The following PCBP3 variants were observed in gnomAD, a reference collection of about 807,000 sequenced individuals.
PCBP3 encodes the protein poly(rC) binding protein 3, also known as poly(rC)-binding protein 3.
PCBP3 carries 25 observed loss-of-function variants against 52.7 expected under a neutral mutation model. The observed-to-expected ratio is 0.47, with a 90% CI of 0.35 to 0.66. The LOEUF (loss-of-function observed/expected upper bound fraction) is 0.66, where lower values mean the gene tolerates loss of function less well. Among genes scored for constraint, PCBP3 ranks in the 30% least tolerant of loss-of-function variants. PCBP3 has a pLI of 0.01. For synonymous variants in PCBP3, 162 were observed against 183.0 expected (o/e 0.89, Z 0.93); for missense variants, 391 against 490.3 (o/e 0.80, Z 1.91).
intron 12 of PCBP3, chr21:45,915,570 G>A (rs2149319501): frequency 6.6e-6 from 1 of 152,378 alleles, no homozygotes; most frequent in East Asian, 1.9e-4. Context: ...GTGCAGCTGA[G>A]CCCTGCTCAG....
chr21:45,863,902 C>T (rs2094604766), intron 5 of PCBP3, among the ~76,000 whole-genome samples: 1 of 152,166 alleles, frequency 6.6e-6, no homozygotes, highest in Non-Finnish European at 1.5e-5. Context: ...AACCGCATAG[C>T]CGTGCACGAT....
intron 5 of PCBP3, among the ~76,000 whole-genome samples, chr21:45,856,332 G>A (rs2094293559): frequency 6.6e-6 from 1 of 152,196 alleles, no homozygotes; most frequent in Non-Finnish European, 1.5e-5. Flanking sequence ...TTGATTCCAG[G>A]CCTTCAGATA....
intron 5 of PCBP3, among the ~76,000 whole-genome samples, chr21:45,866,531 A>G (rs556368741): frequency 6.6e-6 from 1 of 152,320 alleles, no homozygotes; most frequent in South Asian, 2.1e-4. Context: ...ACGTTGTGGC[A>G]GAGGCTGTGA....
At chr21:45,707,484 C>G (rs1485929865) in intron 2 of PCBP3, among the ~76,000 whole-genome samples, 1 of 151,938 alleles carries the variant, frequency 6.6e-6, no homozygotes, top group Non-Finnish European at 1.5e-5. Flanking sequence ...CCATTGCACT[C>G]CAGCCTGGGA....
At chr21:45,864,417 T>G (rs1406692382) in intron 5 of PCBP3, among the ~76,000 whole-genome samples, 1 of 152,238 alleles carries the variant, frequency 6.6e-6, no homozygotes, top group Non-Finnish European at 1.5e-5. Context: ...TTCTGTGTGA[T>G]GAAGCCATCA....
chr21:45,914,273 C>G (rs1229137301), intron 12 of PCBP3: 1 of 594,256 alleles, frequency 1.7e-6, no homozygotes, highest in African/African-American at 1.9e-5. Flanking sequence ...GCAGGAAGAT[C>G]TGGCTCTGCC....
intron 2 of PCBP3, among the ~76,000 whole-genome samples, chr21:45,691,846 TA>T (rs2082500990): frequency 6.6e-6 from 1 of 152,038 alleles, no homozygotes; most frequent in Non-Finnish European, 1.5e-5. Context: ...GACTGGAAAC[TA>T]AAGGAGTCCC....
chr21:45,799,486 T>C (rs912900257), intron 4 of PCBP3, among the ~76,000 whole-genome samples: 1 of 152,244 alleles, frequency 6.6e-6, no homozygotes, highest in African/African-American at 2.4e-5. Context: ...AAATTTATCA[T>C]AGGACAGTTT....
rs148234066 is a variant in PCBP3 at position 45,919,836 on chromosome 21, T to C, written c.717+2207T>C. On this transcript the variant is annotated intron_variant, in intron 13 of 17. Coordinates refer to ENST00000681687, the MANE Select transcript of PCBP3 (RefSeq NM_001384156.1). ...AGAGGTGTGTGTGTGTGTGTGTGTG[T>C]GCGCGCGCGCGTGCGCGTCCCCGTG... 2.7e-3 allele frequency among the ~76,000 whole-genome samples: 146 copies of C among 53,722 alleles called. 1 individual carries two copies. The highest frequency in any genetic ancestry group is 0.013 in the South Asian group (26 of 2,074). The allele number at this position is 53,722 out of a possible 152,430, so 35.2% of individuals were successfully genotyped here. A position where few individuals can be genotyped will look rare whatever the true frequency, so the allele number is the denominator to read the frequency against.
chr21:45,849,789 G>C (rs1242371532), intron 4 of PCBP3, among the ~76,000 whole-genome samples, 172 bp from the exon 5 acceptor site: 1 of 152,184 alleles, frequency 6.6e-6, no homozygotes, highest in African/African-American at 2.4e-5. Flanking sequence ...GAGCCCCAGG[G>C]GGGAGCGCTT....
intron 9 of PCBP3, among the ~76,000 whole-genome samples, chr21:45,905,208 A>G (rs7281225): frequency 0.33 from 50,168 of 152,064 alleles, 9,210 homozygotes; most frequent in East Asian, 0.67. Context: ...CTAAAGCACT[A>G]GTTGGGCAGA....
chr21:45,868,629 G>A (rs567914403), intron 5 of PCBP3, among the ~76,000 whole-genome samples: 1 of 152,144 alleles, frequency 6.6e-6, no homozygotes, highest in Non-Finnish European at 1.5e-5. Context: ...CGGGTCTGGC[G>A]GGCATTTCTG....
chr21:45,928,125 G>T lies in PCBP3; in HGVS notation c.718-1792G>T, dbSNP rs75669412. 0.016 allele frequency among the ~76,000 whole-genome samples: 2,451 copies of T among 152,248 alleles called. 73 individuals carry two copies. The highest frequency in any genetic ancestry group is 0.056 in the African/African-American group (2,316 of 41,526). On this transcript the variant is annotated intron_variant, in intron 13 of 17. Coordinates refer to ENST00000681687, the MANE Select transcript of PCBP3 (RefSeq NM_001384156.1). This position sits in a 1 kb window ranked among gnomAD's most constrained non-coding sequence, Gnocchi z 4.1. ...GCGCCTTCACTAGGACCCCAGATGCGCCTGCTTCCTCCTCCTGCCCCCGCA... is the reference window on the plus strand; with the variant it reads ...GCGCCTTCACTAGGACCCCAGATGCTCCTGCTTCCTCCTCCTGCCCCCGCA...
At position 45,910,992 on chromosome 21, in the gene PCBP3, A is replaced by G. The variant is rs762860341; in HGVS notation, c.562A>G (p.Ile188Val). 1.9e-6 allele frequency: 3 copies of G among 1,612,020 alleles called. No homozygotes were observed. The highest frequency in any genetic ancestry group is 2.5e-6 in the Non-Finnish European group (3 of 1,179,950). ...CATCTCGGGGACCCCAGATGCCATC[A>G]TCCAGTGCGTCAAGCAGATCTGTGT... ...VTISGTPDAI[I>V]QCVKQICVVM... The change falls in exon 11 of 18, where the codon ATC becomes GTC. Residue 188 changes from isoleucine (I) to valine (V), a missense_variant. Transcript: ENST00000681687.
Position 45,942,141 on chromosome 21 carries a change from G to A in PCBP3, c.*435G>A, listed in dbSNP as rs564030238. 1.4e-4 allele frequency: 22 copies of A among 160,850 alleles called. No homozygotes were observed. The highest frequency in any genetic ancestry group is 2.4e-4 in the African/African-American group (10 of 41,934). 10.0% of individuals were successfully genotyped at this position (160,850 alleles called of 1,614,324 possible). ...TCACACAGCCCTGCCATGCTGACTC[G>A]GTTTCCCCTCAGAGCCATTGTTGTC... On this transcript the variant is annotated 3_prime_UTR_variant, in exon 18 of 18. Transcript: ENST00000681687.
At chr21:45,746,795 C>T (rs112237342) in intron 3 of PCBP3, among the ~76,000 whole-genome samples, 4 of 102 alleles carry the variant, frequency 0.039, 1 homozygote, top group East Asian at 0.33. Flanking sequence ...TGTCAGTCCA[C>T]TGACGTAGCG....
chr21:45,784,807 G>A (rs940008124), intron 4 of PCBP3, among the ~76,000 whole-genome samples: 16 of 152,154 alleles, frequency 1.1e-4, no homozygotes, highest in African/African-American at 2.7e-4. Flanking sequence ...ATCTCGGCTC[G>A]CTACAACATC....
chr21:45,929,035 C>A (rs1409740908), intron 13 of PCBP3, among the ~76,000 whole-genome samples: 2 of 152,204 alleles, frequency 1.3e-5, no homozygotes, highest in African/African-American at 4.8e-5. Context: ...CAGCCCTGGG[C>A]TCTCCAAAGG....
Position 45,724,857 on chromosome 21 carries a change from A to AGGG in PCBP3, c.-199-10534_-199-10532dup, listed in dbSNP as rs895212930. ...AGGAGGACAGGACGGCCTCTCTGTG[A>AGGG]GGGAGGCACTGACTCTCAGGAGATG... is the stretch of plus-strand genomic sequence containing the variant. On this transcript the variant is annotated intron_variant, in intron 2 of 17. Coordinates refer to ENST00000681687, the MANE Select transcript of PCBP3 (RefSeq NM_001384156.1). This position sits in a 1 kb window ranked among gnomAD's most constrained non-coding sequence, Gnocchi z 5.3. Among the ~76,000 whole-genome samples the AGGG allele has an allele frequency of 1.3e-5, 2 of 152,104 alleles. No homozygotes were observed. Among genetic ancestry groups the AGGG allele is most frequent in the East Asian group, 3.9e-4 (2 of 5,174 alleles).
Sources: gnomAD v4.1 joint callset for allele counts (sites outside exome capture counted in the v4.1 genomes callset) on GRCh38, gnomAD v4.1.1 for gene constraint, Gnocchi (gnomAD v3.1) non-coding constraint, MANE v1.5 for transcripts, NCBI Gene and HGNC (gene_info 2026-07-23, HGNC 2026-07-21) for gene names.